Variants in SV2C observed in about 807,000 individuals in gnomAD.
The protein encoded by SV2C is synaptic vesicle glycoprotein 2C.
SV2C carries 49 observed loss-of-function variants against 79.7 expected under a neutral mutation model. The ratio of observed to expected loss-of-function variants is 0.61; its 90% CI spans 0.49 to 0.78. The LOEUF (loss-of-function observed/expected upper bound fraction) is 0.78. Ranked by LOEUF, SV2C falls within the 30% of genes least tolerant of loss-of-function variation. The pLI is 0.00. For synonymous variants in SV2C, 334 were observed against 333.2 expected (o/e 1.00, Z -0.03); for missense variants, 833 against 912.9 (o/e 0.91, Z 1.13).
At chr5:76,156,041 C>A (rs894760261) in intron 2 of SV2C, among the ~76,000 whole-genome samples, 3 of 150,744 alleles carry the variant, frequency 2.0e-5, no homozygotes, top group African/African-American at 7.3e-5. Context: ...AAGTTGTAGG[C>A]CAGCTAGTTT....
chr5:76,237,969 A>AACACACACAC (rs200837649), intron 4 of SV2C, among the ~76,000 whole-genome samples: 1,382 of 136,994 alleles, frequency 0.01, 35 homozygotes, highest in Admixed American at 0.065. Flanking sequence ...CCAGAGGACT[A>AACACACACAC]ACACACACAC....
chr5:76,210,264 T>G (rs1441786288), intron 4 of SV2C, among the ~76,000 whole-genome samples: 1 of 152,130 alleles, frequency 6.6e-6, no homozygotes, highest in Non-Finnish European at 1.5e-5. Flanking sequence ...TGGCACAGAT[T>G]AAGGGCTCAG....
At chr5:75,933,516 C>T in the SV2C span, among the ~76,000 whole-genome samples, 1 of 152,178 alleles carries the variant, frequency 6.6e-6, no homozygotes, top group Non-Finnish European at 1.5e-5. Flanking sequence ...CTTTAGTCTC[C>T]TGGCTGTTTC....
the SV2C span, among the ~76,000 whole-genome samples, chr5:75,915,382 A>G: frequency 6.6e-6 from 1 of 152,228 alleles, no homozygotes; most frequent in Non-Finnish European, 1.5e-5. Context: ...CTGCCAAACA[A>G]TGAAGTAAGT....
chr5:76,250,291 G>A (rs1746073163), intron 4 of SV2C, among the ~76,000 whole-genome samples: 1 of 151,908 alleles, frequency 6.6e-6, no homozygotes, highest in African/African-American at 2.4e-5. Flanking sequence ...CTTGATTTTT[G>A]TTTCCTACAT....
the SV2C span, among the ~76,000 whole-genome samples, chr5:75,882,246 A>G: frequency 6.6e-6 from 1 of 151,860 alleles, no homozygotes; most frequent in East Asian, 1.9e-4. Context: ...CGAGGAAATA[A>G]AAGAGGATAC....
At chr5:76,310,353 A>G (rs2937743) in intron 12 of SV2C, among the ~76,000 whole-genome samples, 14,676 of 152,172 alleles carry the variant, frequency 0.096, 753 homozygotes, top group Admixed American at 0.14. Flanking sequence ...TTGAGCAAAG[A>G]CCCAGGCAGA....
At chr5:76,180,092 C>T (rs948694973) in intron 2 of SV2C, among the ~76,000 whole-genome samples, 12 of 152,218 alleles carry the variant, frequency 7.9e-5, no homozygotes, top group Non-Finnish European at 1.3e-4. Context: ...ATGTTCCCAT[C>T]ATCTAGAAAT....
At chr5:75,932,403 A>G in the SV2C span, among the ~76,000 whole-genome samples, 1 of 152,180 alleles carries the variant, frequency 6.6e-6, no homozygotes, top group Non-Finnish European at 1.5e-5. Flanking sequence ...ACCCGAACCC[A>G]GCAGTGCTAG....
At chr5:75,950,309 A>C in the SV2C span, among the ~76,000 whole-genome samples, 1 of 152,074 alleles carries the variant, frequency 6.6e-6, no homozygotes, top group Non-Finnish European at 1.5e-5. Context: ...GCTGAGAAAT[A>C]GGCCATTACA....
At chr5:75,884,661 A>G in the SV2C span, among the ~76,000 whole-genome samples, 3 of 152,152 alleles carry the variant, frequency 2.0e-5, no homozygotes, top group Non-Finnish European at 4.4e-5. Flanking sequence ...GAATGTTATC[A>G]CCATACATAA....
At chr5:75,902,561 G>A in the SV2C span, among the ~76,000 whole-genome samples, 1 of 152,114 alleles carries the variant, frequency 6.6e-6, no homozygotes, top group Non-Finnish European at 1.5e-5. Flanking sequence ...TATCCTTCGG[G>A]GTTGAAATGC....
intron 1 of SV2C, among the ~76,000 whole-genome samples, chr5:76,097,215 T>C (rs1014349192): frequency 1.1e-4 from 16 of 152,228 alleles, no homozygotes; most frequent in Non-Finnish European, 5.9e-5. Flanking sequence ...AATCTGTTTC[T>C]AATAATTTAA....
At chr5:76,192,689 C>A (rs1392466864) in intron 2 of SV2C, among the ~76,000 whole-genome samples, 1 of 152,208 alleles carries the variant, frequency 6.6e-6, no homozygotes, top group East Asian at 1.9e-4. Flanking sequence ...ACAAATGAAC[C>A]TTCTAATTGT....
chr5:75,974,518 A>G, the SV2C span, among the ~76,000 whole-genome samples: 2 of 152,080 alleles, frequency 1.3e-5, no homozygotes, highest in South Asian at 4.1e-4. Flanking sequence ...AATAACAGTC[A>G]CTACCCATGA....
At chr5:75,859,553 T>C in the SV2C span, among the ~76,000 whole-genome samples, 2 of 152,298 alleles carry the variant, frequency 1.3e-5, no homozygotes, top group African/African-American at 4.8e-5. Context: ...GAGCGCCAGA[T>C]GAGTTGGTCT....
chr5:76,201,270 A>G (rs1325901446), intron 3 of SV2C, among the ~76,000 whole-genome samples: 2 of 152,150 alleles, frequency 1.3e-5, no homozygotes, highest in African/African-American at 2.4e-5. Context: ...TGGGAAATGG[A>G]GTTGGCACCA....
At chr5:75,972,468 A>C in the SV2C span, among the ~76,000 whole-genome samples, 5 of 152,174 alleles carry the variant, frequency 3.3e-5, no homozygotes, top group Admixed American at 2.6e-4. Flanking sequence ...AAAGAACTCA[A>C]ACAAATTTAC....
At chr5:76,012,383 G>A in the SV2C span, among the ~76,000 whole-genome samples, 69 of 152,306 alleles carry the variant, frequency 4.5e-4, no homozygotes, top group African/African-American at 1.6e-3. Flanking sequence ...TTTATCATAT[G>A]TTTGTTGGCC....
Sources: allele counts gnomAD v4.1 joint callset (sites outside exome capture counted in the v4.1 genomes callset), GRCh38; gene constraint gnomAD v4.1.1; transcripts MANE v1.5; gene names NCBI Gene and HGNC (gene_info 2026-07-23, HGNC 2026-07-21).